ANKRD30B: variants seen among roughly 807,000 people sequenced by gnomAD.
The protein encoded by ANKRD30B is ankyrin repeat domain-containing protein 30B.
Under a neutral mutation model 202.2 loss-of-function variants are expected in ANKRD30B, and 144 were observed. The observed-to-expected ratio is 0.71, with a 90% confidence interval of 0.62 to 0.82. The LOEUF is 0.82. Ranked by LOEUF, ANKRD30B falls within the 40% of genes least tolerant of loss-of-function variation. ANKRD30B has a pLI of 0.00. For synonymous variants in ANKRD30B, 508 were observed against 561.3 expected (o/e 0.91, Z 1.34); for missense variants, 1,487 against 1,669.1 (o/e 0.89, Z 1.90).
At chr18:14,841,411 C>T (rs1444072379) in intron 37 of ANKRD30B, among the ~76,000 whole-genome samples, 2 of 152,122 alleles carry the variant, frequency 1.3e-5, no homozygotes, top group Non-Finnish European at 2.9e-5. Context: ...AGCAAGGGAA[C>T]AGCCTTTCCT....
At chr18:14,831,202 G>GAAAAAAAAAAAAAAAAAAAAA (rs1434127361) in intron 33 of ANKRD30B, among the ~76,000 whole-genome samples, 181 bp from the exon 34 acceptor site, 2 of 76,928 alleles carry the variant, frequency 2.6e-5, no homozygotes, top group African/African-American at 5.4e-5. Flanking sequence ...AAAAAAAAAC[G>GAAAAAAAAAAAAAAAAAAAAA]AAAACCAGAT....
At chr18:14,834,453 C>A (rs1172755849) in intron 34 of ANKRD30B, among the ~76,000 whole-genome samples, 1 of 151,806 alleles carries the variant, frequency 6.6e-6, no homozygotes, top group African/African-American at 2.4e-5. Context: ...TATAAAAGCA[C>A]AGCAAAAATA....
chr18:14,907,706 A>G, the ANKRD30B span, among the ~76,000 whole-genome samples: 7 of 152,182 alleles, frequency 4.6e-5, no homozygotes, highest in African/African-American at 1.7e-4. Context: ...CAGAGAAGAC[A>G]CTGCGTCCTG....
At chr18:14,793,344 G>A (rs12970537) in intron 16 of ANKRD30B, among the ~76,000 whole-genome samples, 2 of 151,910 alleles carry the variant, frequency 1.3e-5, no homozygotes, top group Non-Finnish European at 2.9e-5. Flanking sequence ...TATTTGTAAT[G>A]TAATGATACA....
intron 4 of ANKRD30B, among the ~76,000 whole-genome samples, chr18:14,757,212 A>C (rs1914511534): frequency 2.0e-5 from 3 of 152,188 alleles, no homozygotes; most frequent in African/African-American, 7.2e-5. Flanking sequence ...TTCACACAAG[A>C]CTGAGTTTAA....
At chr18:14,818,205 G>A (rs554874446) in intron 30 of ANKRD30B, among the ~76,000 whole-genome samples, 9 of 152,070 alleles carry the variant, frequency 5.9e-5, no homozygotes, top group South Asian at 2.1e-4. Flanking sequence ...TTAGCAACTC[G>A]CATTGTATAA....
rs45547339 is a variant in ANKRD30B at position 14,808,464 on chromosome 18, C to T, written c.2285-87C>T. The T allele has an allele frequency of 1.1e-4, 143 of 1,298,954 alleles. 3 individuals are homozygous for T. The highest frequency in any genetic ancestry group is 2.5e-4 in the African/African-American group (17 of 67,452). The allele number at this position is 1,298,954 out of a possible 1,614,324, so 80.5% of individuals were successfully genotyped here. A position where few individuals can be genotyped will look rare whatever the true frequency, so the allele number is the denominator to read the frequency against. ...TCCCTTTTCAATCCAAGCATGAGGACTCATCTTCATATTCACATTGTACGA... is the reference window on the plus strand; with the variant it reads ...TCCCTTTTCAATCCAAGCATGAGGATTCATCTTCATATTCACATTGTACGA... On this transcript the variant is annotated intron_variant, in intron 24 of 43. Transcript: ENST00000690538.
chr18:14,850,484 A>G (rs1971838128), intron 41 of ANKRD30B, 102 bp downstream of exon 41: 2 of 1,192,204 alleles, frequency 1.7e-6, no homozygotes, highest in Non-Finnish European at 2.2e-6. Context: ...GGTCTAAATC[A>G]AAGAAAAGTA....
rs940651584 is a variant in ANKRD30B, at chr18:14,841,731, T to C, written c.3079+1053T>C. Among the ~76,000 whole-genome samples, 5 of 152,204 alleles carry C rather than the reference T, an allele frequency of 3.3e-5. No homozygotes were observed. In the South Asian group the frequency reaches 6.2e-4, roughly 19 times the overall value. ...AGAAGATAGCCAGCCAACTTTGGAG[T>C]TTCTGAAAGGAAATTTGAGTGAATT... On this transcript the variant is annotated intron_variant, in intron 37 of 43. Coordinates refer to ENST00000690538, the MANE Select transcript of ANKRD30B (RefSeq NM_001367607.2).
the ANKRD30B span, among the ~76,000 whole-genome samples, chr18:14,923,411 T>TTC: frequency 6.6e-6 from 1 of 152,166 alleles, no homozygotes; most frequent in East Asian, 1.9e-4. Context: ...GAGGAGAGGC[T>TTC]TCACTGCCTG....
chr18:14,822,263 CA>C, intron 30 of ANKRD30B, among the ~76,000 whole-genome samples: 1 of 151,958 alleles, frequency 6.6e-6, no homozygotes, highest in Non-Finnish European at 1.5e-5. Context: ...TTGAAATCTT[CA>C]CAGCATGTTT....
intron 32 of ANKRD30B, 130 bp downstream of exon 32, chr18:14,822,807 C>G: frequency 8.1e-7 from 1 of 1,229,658 alleles, no homozygotes; most frequent in Non-Finnish European, 1.1e-6. Context: ...CAAATAATGC[C>G]AATGTTAGTA....
At chr18:14,884,426 A>T in the ANKRD30B span, among the ~76,000 whole-genome samples, 1 of 152,074 alleles carries the variant, frequency 6.6e-6, no homozygotes, top group South Asian at 2.1e-4. Flanking sequence ...GAGCCACATA[A>T]ACTATGAGAA....
chr18:14,821,293 G>A (rs1312967377), intron 30 of ANKRD30B, among the ~76,000 whole-genome samples: 3 of 151,490 alleles, frequency 2.0e-5, no homozygotes, highest in Non-Finnish European at 4.4e-5. Flanking sequence ...TATCAATTTT[G>A]TTGATCCTTT....
rs764226261 is a variant in ANKRD30B, at chr18:14,760,546, A to G, written c.756-8A>G. On this transcript the variant is annotated splice_polypyrimidine_tract_variant and splice_region_variant and intron_variant, in intron 5 of 43. Coordinates refer to ENST00000690538, the MANE Select transcript of ANKRD30B (RefSeq NM_001367607.2). ...TAGTAATTTTATTTATTACATTTTT[A>G]TACATAGCATTCATCAACAACTTTT... The G allele has an allele frequency of 1.4e-6, 2 of 1,383,710 alleles. No homozygotes were observed. The highest frequency in any genetic ancestry group is 1.4e-5 in the South Asian group (1 of 73,664). 85.7% of individuals were successfully genotyped at this position (1,383,710 alleles called of 1,614,324 possible).
chr18:14,774,900 G>A (rs533981337), intron 9 of ANKRD30B, among the ~76,000 whole-genome samples: 4 of 151,970 alleles, frequency 2.6e-5, no homozygotes, highest in South Asian at 2.1e-4. Context: ...GTCCAAGGCC[G>A]GCAGATCACG....
the ANKRD30B span, among the ~76,000 whole-genome samples, chr18:14,897,625 C>T: frequency 1.3e-5 from 2 of 151,982 alleles, no homozygotes; most frequent in Admixed American, 6.5e-5. Context: ...TAAATATCTG[C>T]TAATCTGTAT....
Position 14,803,687 on chromosome 18 carries a change from A to T in ANKRD30B, c.2194-47A>T, listed in dbSNP as rs764302404. The T allele has an allele frequency of 3.3e-6, 5 of 1,522,466 alleles. No homozygotes were observed. In the South Asian group the frequency reaches 3.5e-5, roughly 11 times the overall value. The allele number at this position is 1,522,466 out of a possible 1,614,324, so 94.3% of individuals were successfully genotyped here. On this transcript the variant is annotated intron_variant, in intron 23 of 43. Transcript: ENST00000690538. ...TTAGGAACTTTTGATACTCCTCATT[A>T]TTGGGATTTCTCCATTGAAATTATT...
the ANKRD30B span, among the ~76,000 whole-genome samples, chr18:14,900,688 A>G: frequency 6.6e-6 from 1 of 152,192 alleles, no homozygotes; most frequent in Non-Finnish European, 1.5e-5. Context: ...TAATGTGGCC[A>G]TGTGACCAAG....
Sources: gnomAD v4.1 joint callset for allele counts (sites outside exome capture counted in the v4.1 genomes callset) on GRCh38, gnomAD v4.1.1 for gene constraint, MANE v1.5 for transcripts, NCBI Gene and HGNC (gene_info 2026-07-23, HGNC 2026-07-21) for gene names.